The following NCKAP5 variants were observed in gnomAD, a reference collection of about 807,000 sequenced individuals.
The protein encoded by NCKAP5 is nck-associated protein 5.
NCKAP5 carries 92 observed loss-of-function variants against 167.0 expected under a neutral mutation model. The observed-to-expected ratio is 0.55, with a 90% CI of 0.47 to 0.66. The LOEUF (loss-of-function observed/expected upper bound fraction) is 0.66. NCKAP5 is among the 30% of genes least tolerant of loss of function. The probability of loss-of-function intolerance (pLI) is 0.00; values close to 1 mark genes in which losing one functional copy is unlikely to be tolerated. For missense variants in NCKAP5, 2,378 were observed against 2,315.0 expected, an observed-to-expected ratio of 1.03 and a Z score of -0.56; for synonymous variants, 891 against 877.4, an observed-to-expected ratio of 1.02 and a Z score of -0.27.
intron 6 of NCKAP5, among the ~76,000 whole-genome samples, chr2:133,020,906 A>G (rs1407506276): frequency 6.6e-6 from 1 of 152,218 alleles, no homozygotes; most frequent in South Asian, 2.1e-4. Flanking sequence ...AGCGGAGCCC[A>G]TGGAGTGGAA....
chr2:132,799,106 T>A (rs1039673932), intron 11 of NCKAP5, among the ~76,000 whole-genome samples: 1 of 152,022 alleles, frequency 6.6e-6, no homozygotes, highest in Non-Finnish European at 1.5e-5. Flanking sequence ...GCAACACGAA[T>A]CCAGCTAGAG....
chr2:133,040,081 G>A (rs2079162111), intron 6 of NCKAP5, among the ~76,000 whole-genome samples: 1 of 151,876 alleles, frequency 6.6e-6, no homozygotes, highest in Non-Finnish European at 1.5e-5. Context: ...ACAGAGGGAA[G>A]TATTTAAACT....
intron 8 of NCKAP5, among the ~76,000 whole-genome samples, chr2:132,901,564 A>AT (rs1693631812): frequency 6.6e-6 from 1 of 152,230 alleles, no homozygotes; most frequent in Non-Finnish European, 1.5e-5. Flanking sequence ...CGTTTCACCC[A>AT]TGGGTGGAAA....
intron 4 of NCKAP5, among the ~76,000 whole-genome samples, chr2:133,235,357 T>C (rs1468739053): frequency 6.6e-6 from 1 of 152,120 alleles, no homozygotes; most frequent in Non-Finnish European, 1.5e-5. Context: ...TTAGTGCCAC[T>C]TTTTGCATGT....
chr2:133,102,557 T>C (rs2081550116), intron 6 of NCKAP5, among the ~76,000 whole-genome samples: 1 of 152,186 alleles, frequency 6.6e-6, no homozygotes, highest in African/African-American at 2.4e-5. Flanking sequence ...CCTGAAAATA[T>C]TTTGTAAACT....
chr2:132,837,229 C>T (rs546415754), intron 11 of NCKAP5, among the ~76,000 whole-genome samples: 16 of 152,274 alleles, frequency 1.1e-4, no homozygotes, highest in African/African-American at 1.2e-4. Context: ...CATAATATAC[C>T]TGCTGTGGAT....
chr2:133,596,824 T>A, the NCKAP5 span, among the ~76,000 whole-genome samples: 3 of 152,178 alleles, frequency 2.0e-5, no homozygotes, highest in African/African-American at 7.2e-5. Flanking sequence ...TGGAGAAGCA[T>A]GCAGGAGGAA....
At chr2:133,111,380 T>C (rs1404913289) in intron 6 of NCKAP5, among the ~76,000 whole-genome samples, 2 of 152,192 alleles carry the variant, frequency 1.3e-5, no homozygotes, top group Non-Finnish European at 2.9e-5. Context: ...TGCATCTCAA[T>C]GATCAGCCAA....
chr2:133,616,569 C>A, the NCKAP5 span, among the ~76,000 whole-genome samples: 1 of 152,076 alleles, frequency 6.6e-6, no homozygotes, highest in Admixed American at 6.6e-5. Flanking sequence ...GGATAAATTC[C>A]TCGACACACA....
At chr2:133,627,654 T>C in the NCKAP5 span, among the ~76,000 whole-genome samples, 1 of 152,078 alleles carries the variant, frequency 6.6e-6, no homozygotes, top group African/African-American at 2.4e-5. Flanking sequence ...GCATCTGTAG[T>C]GTGCGCTCTC....
intron 19 of NCKAP5, among the ~76,000 whole-genome samples, chr2:132,686,269 GT>G (rs112982966): frequency 0.011 from 1,673 of 152,306 alleles, 25 homozygotes; most frequent in African/African-American, 0.036. Context: ...CAGAAAGGTG[GT>G]TAGGGTTTCT....
intron 4 of NCKAP5, among the ~76,000 whole-genome samples, chr2:133,252,265 A>T (rs111558483): frequency 9.2e-5 from 14 of 152,268 alleles, no homozygotes; most frequent in South Asian, 4.1e-4. Context: ...AGGATTACTT[A>T]GAAGAGCTAT....
chr2:133,566,645 G>A (rs1030618593), intron 1 of NCKAP5, among the ~76,000 whole-genome samples: 1 of 152,214 alleles, frequency 6.6e-6, no homozygotes, highest in South Asian at 2.1e-4. Flanking sequence ...AACTTGAGAA[G>A]TGGGACACAT....
chr2:133,436,693 G>A (rs926284271), intron 3 of NCKAP5, among the ~76,000 whole-genome samples: 10 of 152,164 alleles, frequency 6.6e-5, no homozygotes, highest in African/African-American at 1.2e-4. Flanking sequence ...ACTCGGCTTC[G>A]GCGTCGCCCT....
At position 133,173,532 on chromosome 2, in the gene NCKAP5, C is replaced by T. The variant is rs1005844274; in HGVS notation, c.207+40184G>A. ...CCCCCAGGTGATGATGTCTGATCACCCTGGCCTGTCTTCAGCAAGAATCCT... is the reference window on the plus strand; with the variant it reads ...CCCCCAGGTGATGATGTCTGATCACTCTGGCCTGTCTTCAGCAAGAATCCT... On this transcript the variant is annotated intron_variant, in intron 5 of 19. Coordinates refer to ENST00000409261, the MANE Select transcript of NCKAP5 (RefSeq NM_207363.3). 2.0e-5 allele frequency among the ~76,000 whole-genome samples: 3 copies of T among 152,124 alleles called. No homozygotes were observed. The South Asian group carries it at 6.2e-4, about 31-fold the overall frequency.
chr2:133,530,893 C>G lies in NCKAP5; in HGVS notation c.-61-13306G>C, dbSNP rs149141673. Among the ~76,000 whole-genome samples the G allele has an allele frequency of 2.1e-3, 325 of 152,278 alleles. 2 individuals carry two copies. Among genetic ancestry groups the G allele is most frequent in the African/African-American group, 6.9e-3 (287 of 41,562 alleles). The stretch of plus-strand genomic sequence containing the variant: ...CCACACCAACTGCCAGATACCTGGT[C>G]AAGGCCACTGTGAACCCACCAGCTA... On this transcript the variant is annotated intron_variant, in intron 2 of 19. Transcript: ENST00000409261.
chr2:133,052,118 T>C (rs2079625798), intron 6 of NCKAP5, among the ~76,000 whole-genome samples: 2 of 152,224 alleles, frequency 1.3e-5, no homozygotes, highest in African/African-American at 4.8e-5. Flanking sequence ...CAGTACAAGT[T>C]AAATTTCTTG....
Position 132,700,530 on chromosome 2 carries a change from G to A in NCKAP5, c.5713+25097C>T, listed in dbSNP as rs1177142659. On this transcript the variant is annotated intron_variant, in intron 19 of 19. Coordinates refer to ENST00000409261, the MANE Select transcript of NCKAP5 (RefSeq NM_207363.3). ...GGTGTAAGGAAGGGATCCAGTTTCA[G>A]CTTTCTACATATGGCTAGCCAGTTT... is the stretch of plus-strand genomic sequence containing the variant. Among the ~76,000 whole-genome samples, 4 of 152,268 alleles carry A rather than the reference G, an allele frequency of 2.6e-5. No individual in the cohort carries two copies. In the South Asian group the frequency reaches 6.2e-4, roughly 24 times the overall value.
At chr2:133,185,566 C>T (rs770081286) in intron 5 of NCKAP5, among the ~76,000 whole-genome samples, 1 of 151,818 alleles carries the variant, frequency 6.6e-6, no homozygotes, top group Non-Finnish European at 1.5e-5. Flanking sequence ...GTATGGCCAA[C>T]TGTAATAATA....
Sources: allele counts gnomAD v4.1 joint callset (sites outside exome capture counted in the v4.1 genomes callset), GRCh38; gene constraint gnomAD v4.1.1; transcripts MANE v1.5; gene names NCBI Gene and HGNC (gene_info 2026-07-23, HGNC 2026-07-21).